The following DPP10 variants were observed in gnomAD, a reference collection of about 807,000 sequenced individuals.
The protein encoded by DPP10 is inactive dipeptidyl peptidase 10.
DPP10 carries 33 observed loss-of-function variants against 120.9 expected under a neutral mutation model. That is an observed-to-expected ratio of 0.27 (90% CI 0.21 to 0.37). The LOEUF is 0.37. Among genes scored for constraint, DPP10 ranks in the 10% least tolerant of loss-of-function variants. The pLI is 1.00. For synonymous variants in DPP10, 337 were observed against 326.1 expected (o/e 1.03, Z -0.36); for missense variants, 816 against 942.8 (o/e 0.87, Z 1.76).
At chr2:115,824,544 T>G (rs1688126736) in intron 21 of DPP10, among the ~76,000 whole-genome samples, 2 of 152,078 alleles carry the variant, frequency 1.3e-5, no homozygotes, top group African/African-American at 4.8e-5. Context: ...ATTGTTCAGC[T>G]CCCACTTATG....
At chr2:115,236,004 A>G (rs2057985094) in intron 1 of DPP10, among the ~76,000 whole-genome samples, 2 of 152,180 alleles carry the variant, frequency 1.3e-5, no homozygotes, top group Admixed American at 1.3e-4. Flanking sequence ...GGTCATAACT[A>G]AAAAATTTAC....
At chr2:115,275,658 A>C (rs370448075) in intron 1 of DPP10, among the ~76,000 whole-genome samples, 1 of 150,318 alleles carries the variant, frequency 6.7e-6, no homozygotes, top group Non-Finnish European at 1.5e-5. Context: ...CATGGGAACA[A>C]TTCTTCAGTT....
chr2:115,171,360 A>C (rs76421585), intron 1 of DPP10, among the ~76,000 whole-genome samples: 1 of 25,960 alleles, frequency 3.9e-5, no homozygotes, highest in Non-Finnish European at 6.2e-5. Context: ...GACTCCATCA[A>C]AAAAAAAAAA....
At chr2:115,074,331 C>T (rs1015004148) in intron 1 of DPP10, among the ~76,000 whole-genome samples, 1 of 152,106 alleles carries the variant, frequency 6.6e-6, no homozygotes, top group Non-Finnish European at 1.5e-5. Context: ...TTTAAACACA[C>T]ATAGCAAAAT....
intron 1 of DPP10, among the ~76,000 whole-genome samples, chr2:115,277,504 T>C (rs2059969936): frequency 7.3e-6 from 1 of 136,640 alleles, no homozygotes; most frequent in Admixed American, 7.8e-5. Flanking sequence ...ACTTCCATTG[T>C]ACTCCTTACA....
At chr2:115,382,019 C>G (rs1187467300) in intron 3 of DPP10, among the ~76,000 whole-genome samples, 1 of 152,192 alleles carries the variant, frequency 6.6e-6, no homozygotes, top group Non-Finnish European at 1.5e-5. Context: ...TGTCTGTGCC[C>G]TGCCCCCAGA....
intron 5 of DPP10, among the ~76,000 whole-genome samples, chr2:115,642,798 C>T (rs954917656): frequency 6.6e-6 from 1 of 151,954 alleles, no homozygotes; most frequent in African/African-American, 2.4e-5. Flanking sequence ...CTGATACAGA[C>T]ACATTTCTGA....
At chr2:115,340,709 C>G (rs764326827) in intron 2 of DPP10, among the ~76,000 whole-genome samples, 48 of 151,142 alleles carry the variant, frequency 3.2e-4, no homozygotes, top group Admixed American at 2.6e-4. Flanking sequence ...TAGGAACAAA[C>G]TAAATGTTTT....
rs1347555625 is a variant in DPP10 at position 114,685,588 on chromosome 2, C to T, written c.60+242750C>T. Reference sequence around the variant, plus strand: ...ATAATCAAATGTGCAAAATTGAACTCATCTTTTCTTCACCCTAAACTCGCA... The same window carrying T: ...ATAATCAAATGTGCAAAATTGAACTTATCTTTTCTTCACCCTAAACTCGCA... On this transcript the variant is annotated intron_variant, in intron 1 of 25. Transcript: ENST00000410059. Among the ~76,000 whole-genome samples, 3 of 151,954 alleles carry T rather than the reference C, an allele frequency of 2.0e-5. No individual in the cohort carries two copies. In the East Asian group the frequency reaches 5.8e-4, roughly 29 times the overall value.
At chr2:115,334,115 T>C (rs11123297) in intron 2 of DPP10, among the ~76,000 whole-genome samples, 114,649 of 150,562 alleles carry the variant, frequency 0.76, 44,251 homozygotes, top group Non-Finnish European at 0.83. Flanking sequence ...CAAGGCAGGC[T>C]AACATTCAAA....
At chr2:115,599,304 A>G (rs573615958) in intron 5 of DPP10, among the ~76,000 whole-genome samples, 3 of 152,140 alleles carry the variant, frequency 2.0e-5, no homozygotes, top group South Asian at 4.1e-4. Context: ...TCAATTACCT[A>G]TATGTTAAAA....
Position 114,920,751 on chromosome 2 carries a change from G to T in DPP10, c.61-388488G>T, listed in dbSNP as rs188403946. ...CCATATTTGCAATCTGACCTCCCTTGTGGCTAATCATGGTTTTTCCACTTT... is the reference window on the plus strand; with the variant it reads ...CCATATTTGCAATCTGACCTCCCTTTTGGCTAATCATGGTTTTTCCACTTT... On this transcript the variant is annotated intron_variant, in intron 1 of 25. Coordinates refer to ENST00000410059, the MANE Select transcript of DPP10 (RefSeq NM_020868.6). 2.0e-3 allele frequency among the ~76,000 whole-genome samples: 306 copies of T among 152,204 alleles called. 2 individuals are homozygous for T. Among genetic ancestry groups the T allele is most frequent in the African/African-American group, 7.1e-3 (293 of 41,530 alleles).
rs888812338 is a variant in DPP10 at position 115,208,191 on chromosome 2, CTTTTTTTTTTTTTCTT to C, written c.61-101037_61-101022del. On this transcript the variant is annotated intron_variant, in intron 1 of 25. Coordinates refer to ENST00000410059, the MANE Select transcript of DPP10 (RefSeq NM_020868.6). ...GGATACTTTGCTTTACATTATTTCT[CTTTTTTTTTTTTTCTT>C]TTTTTTTTTTGAGATGGAGTCTCCC... 4.7e-4 allele frequency among the ~76,000 whole-genome samples: 65 copies of C among 138,930 alleles called. No individual in the cohort carries two copies. In the Middle Eastern group the frequency reaches 0.011, roughly 24 times the overall value. 91.1% of individuals were successfully genotyped at this position (138,930 alleles called of 152,430 possible). A position where few individuals can be genotyped will look rare whatever the true frequency, so the allele number is the denominator to read the frequency against.
chr2:115,273,642 C>T (rs546090323), intron 1 of DPP10, among the ~76,000 whole-genome samples: 79 of 152,238 alleles, frequency 5.2e-4, no homozygotes, highest in African/African-American at 1.8e-3. Context: ...GGCCTGAGGC[C>T]GCTTGCTTTT....
intron 3 of DPP10, among the ~76,000 whole-genome samples, chr2:115,388,344 A>T (rs1367315417): frequency 1.3e-5 from 2 of 152,194 alleles, no homozygotes; most frequent in Non-Finnish European, 2.9e-5. Context: ...GAGAAGCTTA[A>T]ATATAGGAGA....
intron 1 of DPP10, among the ~76,000 whole-genome samples, chr2:115,264,971 A>G (rs1451790229): frequency 6.6e-6 from 1 of 152,178 alleles, no homozygotes; most frequent in South Asian, 2.1e-4. Context: ...GTTTCAGCTT[A>G]TAGGTTAGAG....
intron 5 of DPP10, among the ~76,000 whole-genome samples, chr2:115,556,595 C>G (rs1200420862): frequency 1.3e-5 from 2 of 152,034 alleles, no homozygotes; most frequent in Non-Finnish European, 2.9e-5. Flanking sequence ...ATTAGATTTT[C>G]TCTGTGCTTA....
intron 1 of DPP10, among the ~76,000 whole-genome samples, chr2:115,248,803 A>G (rs995086293): frequency 5.3e-5 from 8 of 152,164 alleles, no homozygotes; most frequent in Non-Finnish European, 1.0e-4. Flanking sequence ...AGATGTACCA[A>G]TCATGCTTGT....
At chr2:115,415,226 G>A (rs2069283853) in intron 3 of DPP10, among the ~76,000 whole-genome samples, 2 of 152,126 alleles carry the variant, frequency 1.3e-5, no homozygotes, top group South Asian at 2.1e-4. Flanking sequence ...CTCAGCACCC[G>A]TTTATCTGGC....
Sources: allele counts gnomAD v4.1 joint callset (sites outside exome capture counted in the v4.1 genomes callset), GRCh38; gene constraint gnomAD v4.1.1; transcripts MANE v1.5; gene names NCBI Gene and HGNC (gene_info 2026-07-23, HGNC 2026-07-21).